Variants in KCNAB3 observed in about 807,000 individuals in gnomAD.
KCNAB3 encodes the protein potassium voltage-gated channel subfamily A regulatory beta subunit 3, also known as voltage-gated potassium channel subunit beta-3.
Under a neutral mutation model 67.7 loss-of-function variants are expected in KCNAB3, and 62 were observed. The observed-to-expected ratio is 0.92, with a 90% confidence interval of 0.75 to 1.13. The LOEUF (loss-of-function observed/expected upper bound fraction) is 1.13, where lower values mean the gene tolerates loss of function less well. Among genes scored for constraint, KCNAB3 ranks in the 50% most tolerant of loss-of-function variants. The pLI is 0.00. For synonymous variants in KCNAB3, 212 were observed against 205.4 expected, an observed-to-expected ratio of 1.03 and a Z score of -0.27; for missense variants, 514 against 522.9, an observed-to-expected ratio of 0.98 and a Z score of 0.17.
intron 4 of KCNAB3, among the ~76,000 whole-genome samples, chr17:7,926,448 C>T (rs930900990): frequency 1.1e-4 from 17 of 152,186 alleles, no homozygotes; most frequent in Admixed American, 1.3e-4. Flanking sequence ...TGCCCTCCTC[C>T]TTCTTTGAGC....
rs769458878 is a variant in KCNAB3, at chr17:7,923,752, A to G, written c.1007T>C (p.Val336Ala). 6 of 1,574,950 alleles carry G rather than the reference A, an allele frequency of 3.8e-6. No homozygotes were observed. The highest frequency in any genetic ancestry group is 2.3e-5 in the South Asian group (2 of 86,270). Residue 336 changes from valine (V) to alanine (A), a missense_variant, in exon 12 of 14, where the codon GTC (valine) becomes GCC (alanine). Val to Ala is a moderately conservative substitution (Grantham distance 64, BLOSUM62 0). Coordinates refer to ENST00000303790, the MANE Select transcript of KCNAB3 (RefSeq NM_004732.4). ...QQAKVMDLLP[V>A]AHQLGCTVAQ... ...CACGGTGCAGCCCAGCTGGTGAGCG[A>G]CAGGAAGAAGGTCCATGACTTTGGC...
intron 11 of KCNAB3, 35 bp downstream of exon 11, chr17:7,923,933 G>T: frequency 6.3e-7 from 1 of 1,594,414 alleles, no homozygotes; most frequent in Non-Finnish European, 8.5e-7. Flanking sequence ...AGCCCATATA[G>T]CCCAGTCCTG....
At chr17:7,926,250 T>G in intron 4 of KCNAB3, 147 bp from the exon 5 acceptor site, 1 of 812,714 alleles carries the variant, frequency 1.2e-6, no homozygotes, top group African/African-American at 1.7e-5. Flanking sequence ...AAATAAGAGG[T>G]CTGTTGGAAG....
chr17:7,926,592 A>G (rs563228015), intron 4 of KCNAB3, among the ~76,000 whole-genome samples: 2 of 152,362 alleles, frequency 1.3e-5, no homozygotes, highest in Non-Finnish European at 2.9e-5. Context: ...AATTTAGCAT[A>G]AAATTATGAG....
In KCNAB3 at chr17:7,923,161, G is replaced by T; in HGVS notation, c.1156C>A (p.Pro386Thr). 3 of 1,614,202 alleles carry T rather than the reference G, an allele frequency of 1.9e-6. No homozygotes were observed. The highest frequency in any genetic ancestry group is 2.5e-6 in the Non-Finnish European group (3 of 1,180,026). Reference protein sequence around the residue: ...GALQVLSQLTPQTVMEIDGLL... With the variant: ...GALQVLSQLTTQTVMEIDGLL... Reference sequence around the variant, plus strand: ...CCGTCTATTTCCATCACTGTCTGCGGGGTCAGCTGGCTCAGCACCTGGAGG... The same window carrying T: ...CCGTCTATTTCCATCACTGTCTGCGTGGTCAGCTGGCTCAGCACCTGGAGG... The change falls in exon 14 of 14, where the codon CCG (proline) becomes ACG (threonine). Residue 386 changes from proline to threonine, a missense_variant. Transcript: ENST00000303790.
Position 7,929,511 on chromosome 17 carries a change from C to T in KCNAB3, c.-76G>A, listed in dbSNP as rs547437789. ...GCAGGGAAGCCCGAGGGCTGACGAC[C>T]GGGGGCGTAGTGGGGCGAACCCCGG... On this transcript the variant is annotated 5_prime_UTR_variant, in exon 1 of 14. Transcript: ENST00000303790. The surrounding 1 kb of genome is among the most constrained non-coding windows in gnomAD (Gnocchi z 5.7). 86 of 1,506,464 alleles carry T rather than the reference C, an allele frequency of 5.7e-5. 1 individual carries two copies. The South Asian group carries it at 9.9e-4, about 17-fold the overall frequency. 93.3% of individuals were successfully genotyped at this position (1,506,464 alleles called of 1,614,324 possible). A position where few individuals can be genotyped will look rare whatever the true frequency, so the allele number is the denominator to read the frequency against.
At chr17:7,923,280 G>A (rs980771255) in intron 13 of KCNAB3, 101 bp from the exon 14 acceptor site, 2 of 1,327,014 alleles carry the variant, frequency 1.5e-6, no homozygotes, top group Admixed American at 1.7e-5. Flanking sequence ...GGGGTCAAGT[G>A]GCAAGGCAAG....
At chr17:7,924,557 A>G (rs376138399) in intron 8 of KCNAB3, 57 bp from the exon 9 acceptor site, 332 of 1,537,984 alleles carry the variant, frequency 2.2e-4, no homozygotes, top group Non-Finnish European at 2.9e-4. Flanking sequence ...CTAAGACTCC[A>G]GATTTGCAGA....
intron 4 of KCNAB3, 91 bp downstream of exon 4, chr17:7,927,253 C>T: frequency 8.0e-7 from 1 of 1,242,586 alleles, no homozygotes; most frequent in Non-Finnish European, 1.2e-6. Flanking sequence ...CTCAGAAGTC[C>T]CAGGGTTCTT....
In KCNAB3 at chr17:7,923,024, A is replaced by G. The variant is rs957017756; in HGVS notation, c.*78T>C. On this transcript the variant is annotated 3_prime_UTR_variant, in exon 14 of 14. Coordinates refer to ENST00000303790, the MANE Select transcript of KCNAB3 (RefSeq NM_004732.4). ...CCGGCCGCTGCGTGGAGGGATCCGG[A>G]GCGGGAGAGGCGGCTGCGAGGAGCG... is the stretch of plus-strand genomic sequence containing the variant. 46 of 1,377,400 alleles carry G rather than the reference A, an allele frequency of 3.3e-5. No individual in the cohort carries two copies. The highest frequency in any genetic ancestry group is 4.6e-5 in the Non-Finnish European group (45 of 968,202). The allele number at this position is 1,377,400 out of a possible 1,614,324, so 85.3% of individuals were successfully genotyped here. A position where few individuals can be genotyped will look rare whatever the true frequency, so the allele number is the denominator to read the frequency against.
At chr17:7,928,844 C>T (rs1972326065) in intron 1 of KCNAB3, among the ~76,000 whole-genome samples, 1 of 152,172 alleles carries the variant, frequency 6.6e-6, no homozygotes, top group Non-Finnish European at 1.5e-5. Context: ...CTCCACTCCC[C>T]AGGACACGGA....
In KCNAB3 at chr17:7,927,829, G is replaced by A. The variant is rs757716472; in HGVS notation, c.243-3C>T. On this transcript the variant is annotated splice_polypyrimidine_tract_variant and splice_region_variant and intron_variant, in intron 1 of 13. Transcript: ENST00000303790. ...GAAGACCAGACTTCCCTAGGTTCCT[G>A]CAAGATACAGAAGCAGCGGGAAGGG... is the stretch of plus-strand genomic sequence containing the variant. 6.2e-7 allele frequency: 1 copy of A among 1,614,084 alleles called. No homozygotes were observed. The highest frequency in any genetic ancestry group is 8.5e-7 in the Non-Finnish European group (1 of 1,180,022).
In KCNAB3 at chr17:7,929,828, CCCAGCCG is replaced by C; in HGVS notation, c.-400_-394del. On this transcript the variant is annotated 5_prime_UTR_variant, in exon 1 of 14. Transcript: ENST00000303790. This position sits in a 1 kb window ranked among gnomAD's most constrained non-coding sequence, Gnocchi z 5.7. The stretch of plus-strand genomic sequence containing the variant: ...GAACCGCTGCGGGACCCGCTGGGCT[CCCAGCCG>C]CGTCGGCAGCGGGCCCAGCTCATCA... 17 of 734,262 alleles carry C rather than the reference CCCAGCCG, an allele frequency of 2.3e-5. No homozygotes were observed. The highest frequency in any genetic ancestry group is 2.5e-4 in the East Asian group (1 of 4,032). 45.5% of individuals were successfully genotyped at this position (734,262 alleles called of 1,614,324 possible).
In KCNAB3 at chr17:7,929,848, G is replaced by A. The variant is rs1054684143; in HGVS notation, c.-413C>T. 1.0e-5 allele frequency: 11 copies of A among 1,077,366 alleles called. No homozygotes were observed. Among genetic ancestry groups the A allele is most frequent in the Non-Finnish European group, 1.2e-5 (11 of 886,860 alleles). 66.7% of individuals were successfully genotyped at this position (1,077,366 alleles called of 1,614,324 possible). On this transcript the variant is annotated 5_prime_UTR_variant, in exon 1 of 14. Coordinates refer to ENST00000303790, the MANE Select transcript of KCNAB3 (RefSeq NM_004732.4). This position sits in a 1 kb window ranked among gnomAD's most constrained non-coding sequence, Gnocchi z 5.7. The stretch of plus-strand genomic sequence containing the variant: ...GGGCTCCCAGCCGCGTCGGCAGCGG[G>A]CCCAGCTCATCAGCATGCAGGCACC...
In KCNAB3 at chr17:7,924,059, A is replaced by C. The variant is rs768967427; in HGVS notation, c.836T>G (p.Val279Gly). ...TAGAGGGTACCAAGTGACTGATCCA[A>C]CTCCTAAGGGAAGAACACTGGGTGT... ...QLPELYHKIG[V>G]GSVTWYPLAC... Residue 279 changes from valine (V) to glycine (G), a missense_variant, in exon 11 of 14, where the codon GTT becomes GGT. Transcript: ENST00000303790. The C allele has an allele frequency of 1.2e-6, 2 of 1,613,902 alleles. No individual in the cohort carries two copies. Among genetic ancestry groups the C allele is most frequent in the Non-Finnish European group, 1.7e-6 (2 of 1,179,874 alleles).
chr17:7,927,437 A>G lies in KCNAB3; in HGVS notation c.325-14T>C, dbSNP rs748247204. The G allele has an allele frequency of 2.5e-6, 4 of 1,612,534 alleles. No individual in the cohort carries two copies. The East Asian group carries it at 8.9e-5, about 36-fold the overall frequency. On this transcript the variant is annotated splice_polypyrimidine_tract_variant and intron_variant, in intron 3 of 13. Coordinates refer to ENST00000303790, the MANE Select transcript of KCNAB3 (RefSeq NM_004732.4). ...ATCCTCTGCTGTCTAGGGAGGTGAA[A>G]GAGGTAAAGATCAACTACTGCTCCT...
In KCNAB3 at chr17:7,929,822, T is replaced by TAA; in HGVS notation, c.-388_-387insTT. On this transcript the variant is annotated 5_prime_UTR_variant, in exon 1 of 14. Transcript: ENST00000303790. The surrounding 1 kb of genome is among the most constrained non-coding windows in gnomAD (Gnocchi z 5.7). ...CAGCGCGAACCGCTGCGGGACCCGC[T>TAA]GGGCTCCCAGCCGCGTCGGCAGCGG... 8 of 1,066,408 alleles carry TAA rather than the reference T, an allele frequency of 7.5e-6. No individual in the cohort carries two copies. The highest frequency in any genetic ancestry group is 1.0e-4 in the East Asian group (1 of 9,788). 66.1% of individuals were successfully genotyped at this position (1,066,408 alleles called of 1,614,324 possible). A position where few individuals can be genotyped will look rare whatever the true frequency, so the allele number is the denominator to read the frequency against.
Position 7,924,063 on chromosome 17 carries a change from C to T in KCNAB3, c.833-1G>A. 1 of 1,614,138 alleles carries T rather than the reference C, an allele frequency of 6.2e-7. No homozygotes were observed. The highest frequency in any genetic ancestry group is 1.1e-5 in the South Asian group (1 of 91,084). ...GGGTACCAAGTGACTGATCCAACTC[C>T]TAAGGGAAGAACACTGGGTGTCAGG... On this transcript the variant is annotated splice_acceptor_variant, in intron 10 of 13. Transcript: ENST00000303790. LOFTEE classifies it high-confidence loss of function.
chr17:7,922,966 C>T lies in KCNAB3; in HGVS notation c.*136G>A, dbSNP rs140639556. 4.2e-4 allele frequency: 324 copies of T among 779,174 alleles called. 1 individual carries two copies. Among genetic ancestry groups the T allele is most frequent in the East Asian group, 3.1e-3 (125 of 40,052 alleles). 48.3% of individuals were successfully genotyped at this position (779,174 alleles called of 1,614,324 possible). ...GTTCATGCGTATCACTACTCGAAGC[C>T]GGGACTCGTTGGTGGGCGGGGCTAG... On this transcript the variant is annotated 3_prime_UTR_variant, in exon 14 of 14. Coordinates refer to ENST00000303790, the MANE Select transcript of KCNAB3 (RefSeq NM_004732.4).
Sources: allele counts gnomAD v4.1 joint callset (sites outside exome capture counted in the v4.1 genomes callset), GRCh38; gene constraint gnomAD v4.1.1; non-coding constraint Gnocchi (gnomAD v3.1); transcripts MANE v1.5; gene names NCBI Gene and HGNC (gene_info 2026-07-23, HGNC 2026-07-21).